The following PTPRG variants were observed in gnomAD, a reference collection of about 807,000 sequenced individuals.
The protein encoded by PTPRG is protein tyrosine phosphatase receptor type G, also known as receptor-type tyrosine-protein phosphatase gamma.
A neutral mutation model predicts 165.3 loss-of-function variants in PTPRG; 102 were observed. The observed-to-expected ratio is 0.62, with a 90% CI of 0.53 to 0.73. PTPRG has a LOEUF of 0.73. Ranked by LOEUF, PTPRG falls within the 30% of genes least tolerant of loss-of-function variation. The pLI is 0.00. For synonymous variants in PTPRG, 675 were observed against 669.5 expected (o/e 1.01, Z -0.13); for missense variants, 1,866 against 1,861.4 (o/e 1.00, Z -0.05).
intron 4 of PTPRG, among the ~76,000 whole-genome samples, chr3:62,062,731 G>T (rs1700861663): frequency 6.6e-6 from 1 of 151,976 alleles, no homozygotes; most frequent in South Asian, 2.1e-4. Flanking sequence ...GGCAATCATG[G>T]CTCACTGCAG....
At chr3:61,796,918 T>G (rs993086676) in intron 2 of PTPRG, among the ~76,000 whole-genome samples, 1 of 152,216 alleles carries the variant, frequency 6.6e-6, no homozygotes, top group Non-Finnish European at 1.5e-5. Flanking sequence ...AGCTGTTGGC[T>G]TAATCCATAT....
intron 3 of PTPRG, among the ~76,000 whole-genome samples, chr3:61,998,743 A>G (rs2041101053): frequency 6.6e-6 from 1 of 152,210 alleles, no homozygotes; most frequent in Non-Finnish European, 1.5e-5. Flanking sequence ...TGTCTCCATC[A>G]TTCTGCTTTG....
intron 2 of PTPRG, among the ~76,000 whole-genome samples, chr3:61,782,677 A>G (rs2034579539): frequency 6.6e-6 from 1 of 152,260 alleles, no homozygotes; most frequent in African/African-American, 2.4e-5. Context: ...ACTGAAGACG[A>G]ATGTTTAACC....
chr3:62,075,472 G>GT (rs1313007200), intron 4 of PTPRG, among the ~76,000 whole-genome samples: 3 of 152,108 alleles, frequency 2.0e-5, no homozygotes, highest in African/African-American at 7.2e-5. Context: ...TGTCCAAACC[G>GT]TAAGGCAACA....
At chr3:61,673,888 A>G (rs1277772397) in intron 1 of PTPRG, among the ~76,000 whole-genome samples, 1 of 152,168 alleles carries the variant, frequency 6.6e-6, no homozygotes. Flanking sequence ...TGTCCTTTTC[A>G]GGAACATGGA....
chr3:62,276,697 C>T, intron 24 of PTPRG: 1 of 410,304 alleles, frequency 2.4e-6, no homozygotes, highest in South Asian at 4.8e-5. Flanking sequence ...CTGTTGTGTC[C>T]ATATAAAGTA....
At chr3:62,208,922 C>T (rs753306728) in intron 12 of PTPRG, among the ~76,000 whole-genome samples, 1 of 152,146 alleles carries the variant, frequency 6.6e-6, no homozygotes, top group Admixed American at 6.5e-5. Flanking sequence ...GTGAGGGAAG[C>T]GAGGCTCAGA....
At chr3:61,779,980 G>A (rs892756502) in intron 2 of PTPRG, among the ~76,000 whole-genome samples, 1 of 152,044 alleles carries the variant, frequency 6.6e-6, no homozygotes, top group African/African-American at 2.4e-5. Context: ...TGTTTCCTGG[G>A]TCACCTCCCA....
chr3:62,053,152 G>A, intron 4 of PTPRG, among the ~76,000 whole-genome samples: 1 of 150,994 alleles, frequency 6.6e-6, no homozygotes. Context: ...ATATATGAGT[G>A]TCATTTTTTG....
chr3:62,218,951 CA>C lies in PTPRG; in HGVS notation c.2257del (p.Ile753SerfsTer16). 6.2e-7 allele frequency: 1 copy of C among 1,614,144 alleles called. No homozygotes were observed. Among genetic ancestry groups the C allele is most frequent in the Non-Finnish European group, 8.5e-7 (1 of 1,179,992 alleles). ...TATCAGCCTTGACCTTCGTGTGCCTCATCCTTCTCATTGCTGTGCTCGTTTA... is the reference window on the plus strand; with the variant it reads ...TATCAGCCTTGACCTTCGTGTGCCTCTCCTTCTCATTGCTGTGCTCGTTTA... ...VVSALTFVCL[I>X]LLIAVLVYWR... is the part of the protein sequence containing the mutation. On this transcript the variant is annotated frameshift_variant, in exon 13 of 30. Coordinates refer to ENST00000474889, the MANE Select transcript of PTPRG (RefSeq NM_002841.4). LOFTEE classifies it high-confidence loss of function.
chr3:62,181,007 T>A (rs1004442361), intron 8 of PTPRG, among the ~76,000 whole-genome samples: 1 of 152,180 alleles, frequency 6.6e-6, no homozygotes, highest in African/African-American at 2.4e-5. Context: ...TCTTCCATGG[T>A]AATTGCAACA....
chr3:61,797,591 A>T (rs867432620), intron 2 of PTPRG, among the ~76,000 whole-genome samples: 1 of 72,838 alleles, frequency 1.4e-5, no homozygotes, highest in Admixed American at 1.5e-4. Context: ...ACCCCCCCCC[A>T]CCCCCCCACC....
intron 1 of PTPRG, among the ~76,000 whole-genome samples, chr3:61,667,128 A>G (rs1702831462): frequency 6.6e-6 from 1 of 152,196 alleles, no homozygotes; most frequent in Admixed American, 6.5e-5. Flanking sequence ...AAGAGCGGAA[A>G]TGGTCTCCAG....
At chr3:62,074,058 A>G (rs1189941462) in intron 4 of PTPRG, among the ~76,000 whole-genome samples, 1 of 152,150 alleles carries the variant, frequency 6.6e-6, no homozygotes, top group Non-Finnish European at 1.5e-5. Context: ...TAATTCTAAT[A>G]ATTATTCTGT....
chr3:62,247,161 T>C (rs535403506), intron 15 of PTPRG, among the ~76,000 whole-genome samples: 16 of 152,278 alleles, frequency 1.1e-4, no homozygotes, highest in East Asian at 3.9e-4. Flanking sequence ...ACAGGTACAG[T>C]TGACACCCCC....
At chr3:62,174,916 A>C (rs887661514) in intron 8 of PTPRG, among the ~76,000 whole-genome samples, 1 of 152,186 alleles carries the variant, frequency 6.6e-6, no homozygotes, top group Non-Finnish European at 1.5e-5. Context: ...TGCAGCCCCC[A>C]TGGAGAGTTT....
At chr3:61,871,767 T>A (rs2037591036) in intron 2 of PTPRG, among the ~76,000 whole-genome samples, 1 of 152,204 alleles carries the variant, frequency 6.6e-6, no homozygotes, top group Non-Finnish European at 1.5e-5. Flanking sequence ...GACCTGGAAA[T>A]CACAAGGCCT....
intron 5 of PTPRG, among the ~76,000 whole-genome samples, chr3:62,093,073 G>A (rs183364225): frequency 4.9e-4 from 74 of 152,256 alleles, no homozygotes; most frequent in African/African-American, 1.7e-3. Flanking sequence ...TCCACCCCTG[G>A]GATTTAGATG....
chr3:61,870,476 CTTT>C (rs869118813), intron 2 of PTPRG, among the ~76,000 whole-genome samples: 3 of 17,964 alleles, frequency 1.7e-4, no homozygotes, highest in Non-Finnish European at 1.8e-4. Flanking sequence ...CCACACCTAG[CTTT>C]TTTTTTTTTT....
Sources: gnomAD v4.1 joint callset for allele counts (sites outside exome capture counted in the v4.1 genomes callset) on GRCh38, gnomAD v4.1.1 for gene constraint, MANE v1.5 for transcripts, NCBI Gene and HGNC (gene_info 2026-07-23, HGNC 2026-07-21) for gene names.